UBE2E2: variants seen among roughly 807,000 people sequenced by gnomAD.
The protein encoded by UBE2E2 is ubiquitin-conjugating enzyme E2 E2.
In UBE2E2, 6 loss-of-function variants were observed where a neutral mutation model predicts 24.7. That is an observed-to-expected ratio of 0.24 (90% confidence interval 0.13 to 0.48). UBE2E2 has a LOEUF of 0.48. UBE2E2 is among the 20% of genes least tolerant of loss of function. UBE2E2 has a pLI of 0.99. For missense variants in UBE2E2, 169 were observed against 245.0 expected, an observed-to-expected ratio of 0.69 and a Z score of 2.07; for synonymous variants, 104 against 83.6, an observed-to-expected ratio of 1.24 and a Z score of -1.33.
At chr3:23,301,304 C>G (rs977982468) in intron 3 of UBE2E2, among the ~76,000 whole-genome samples, 1 of 152,214 alleles carries the variant, frequency 6.6e-6, no homozygotes. Context: ...ATTCTCCGTC[C>G]AGCTTTGTTC....
At chr3:23,249,838 A>G (rs921546304) in intron 3 of UBE2E2, among the ~76,000 whole-genome samples, 9 of 152,042 alleles carry the variant, frequency 5.9e-5, no homozygotes, top group Admixed American at 1.3e-4. Flanking sequence ...TTGTATTTTT[A>G]GTAGAGATGG....
chr3:23,292,536 CCCACTCACTTGTCT>C (rs1251222080), intron 3 of UBE2E2, among the ~76,000 whole-genome samples: 5 of 152,096 alleles, frequency 3.3e-5, no homozygotes, highest in African/African-American at 1.2e-4. Context: ...CTCTCAGAGC[CCCACTCACTTGTCT>C]CCTAGGTGCC....
At chr3:23,261,475 A>T (rs985915298) in intron 3 of UBE2E2, among the ~76,000 whole-genome samples, 3 of 152,136 alleles carry the variant, frequency 2.0e-5, no homozygotes, top group African/African-American at 7.2e-5. Context: ...TGTGTGTGTG[A>T]GAGAGAACAT....
chr3:23,231,059 A>G (rs1349103177), intron 3 of UBE2E2, among the ~76,000 whole-genome samples: 1 of 152,206 alleles, frequency 6.6e-6, no homozygotes, highest in Non-Finnish European at 1.5e-5. Flanking sequence ...AGAGGAACTG[A>G]AAATGAATTT....
rs777271599 is a variant in UBE2E2 at position 23,577,788 on chromosome 3, A to C, written c.509-11946A>C. On this transcript the variant is annotated intron_variant, in intron 5 of 5. Coordinates refer to ENST00000396703, the MANE Select transcript of UBE2E2 (RefSeq NM_152653.4). ...TCAATGCCTGGCTACACAGCTTTAA[A>C]GGACAGGCTGACTCTCTTAGTAGGG... 1.1e-4 allele frequency among the ~76,000 whole-genome samples: 17 copies of C among 152,324 alleles called. No homozygotes were observed. In the Middle Eastern group the frequency reaches 0.01, roughly 91 times the overall value.
intron 3 of UBE2E2, among the ~76,000 whole-genome samples, chr3:23,360,037 C>G (rs17013125): frequency 0.029 from 4,435 of 152,174 alleles, 113 homozygotes; most frequent in East Asian, 0.13. Context: ...ACCTGCTGGT[C>G]TAATTAGTTT....
Position 23,439,557 on chromosome 3 carries a change from T to C in UBE2E2, c.228-60051T>C, listed in dbSNP as rs551512019. Among the ~76,000 whole-genome samples the C allele has an allele frequency of 8.2e-4, 125 of 152,228 alleles. 5 individuals are homozygous for C. The South Asian group carries it at 0.024, about 30-fold the overall frequency. On this transcript the variant is annotated intron_variant, in intron 3 of 5. Coordinates refer to ENST00000396703, the MANE Select transcript of UBE2E2 (RefSeq NM_152653.4). ...CAAAGTCTCTAGGACCCCAAAGAGA[T>C]TATGAGAGAGAACGTTGAGAGGTCT...
intron 3 of UBE2E2, among the ~76,000 whole-genome samples, chr3:23,457,503 A>C: frequency 6.6e-6 from 1 of 152,148 alleles, no homozygotes; most frequent in East Asian, 1.9e-4. Flanking sequence ...CTTCTCCATC[A>C]GCTGCTGCTG....
chr3:23,552,977 G>C (rs1481915350), intron 5 of UBE2E2, among the ~76,000 whole-genome samples: 2 of 152,094 alleles, frequency 1.3e-5, no homozygotes, highest in African/African-American at 4.8e-5. Context: ...TAAGAAAAAA[G>C]TATTTTACTT....
chr3:23,332,454 G>A (rs1022005065), intron 3 of UBE2E2, among the ~76,000 whole-genome samples: 4 of 152,236 alleles, frequency 2.6e-5, no homozygotes, highest in African/African-American at 9.6e-5. Flanking sequence ...AAAAACAAAT[G>A]CATACATGGC....
At chr3:23,404,742 C>G (rs1474440639) in intron 3 of UBE2E2, among the ~76,000 whole-genome samples, 3 of 152,186 alleles carry the variant, frequency 2.0e-5, no homozygotes, top group Non-Finnish European at 4.4e-5. Flanking sequence ...AAAATAATCG[C>G]TAACTGTAGC....
Position 23,208,792 on chromosome 3 carries a change from A to C in UBE2E2, c.93A>C (p.Pro31=). The C allele has an allele frequency of 1.9e-6, 3 of 1,613,842 alleles. No homozygotes were observed. The highest frequency in any genetic ancestry group is 2.5e-6 in the Non-Finnish European group (3 of 1,179,800). Residue 31 remains proline (P), a synonymous_variant, in exon 2 of 6, where the codon CCA becomes CCC. Transcript: ENST00000396703. ...AACGTGAAAGTGTTCAGCAAGAACCAGAAAGAGAACAAGTTCAGCCCAAGA... is the reference window on the plus strand; with the variant it reads ...AACGTGAAAGTGTTCAGCAAGAACCCGAAAGAGAACAAGTTCAGCCCAAGA... ...GDQRESVQQE[P]EREQVQPKKK...
chr3:23,354,963 A>G (rs952695461), intron 3 of UBE2E2, among the ~76,000 whole-genome samples: 40 of 152,166 alleles, frequency 2.6e-4, no homozygotes, highest in African/African-American at 9.6e-4. Context: ...ACAATAGCAA[A>G]GACTTGGAAC....
At chr3:23,404,165 T>G (rs1489758518) in intron 3 of UBE2E2, among the ~76,000 whole-genome samples, 1 of 152,140 alleles carries the variant, frequency 6.6e-6, no homozygotes, top group African/African-American at 2.4e-5. Context: ...TATGTACACA[T>G]TCATAGTAAT....
chr3:23,488,872 A>G (rs1309347158), intron 3 of UBE2E2, among the ~76,000 whole-genome samples: 4 of 152,216 alleles, frequency 2.6e-5, no homozygotes, highest in Non-Finnish European at 1.5e-5. Context: ...TACAGATAAG[A>G]GAGGCTATTT....
intron 3 of UBE2E2, among the ~76,000 whole-genome samples, chr3:23,401,848 C>CTTT (rs35903137): frequency 8.7e-3 from 586 of 67,688 alleles, no homozygotes; most frequent in Middle Eastern, 0.012. Flanking sequence ...TGCCTGGCTA[C>CTTT]TTTTTTTTTT....
intron 3 of UBE2E2, among the ~76,000 whole-genome samples, chr3:23,371,805 A>G (rs933601947): frequency 2.6e-5 from 4 of 152,116 alleles, no homozygotes; most frequent in African/African-American, 9.7e-5. Context: ...TGCTGATTAC[A>G]TGGGTGTATT....
rs1397514525 is a variant in UBE2E2, at chr3:23,583,224, A to C, written c.509-6510A>C. 6.6e-6 allele frequency among the ~76,000 whole-genome samples: 1 copy of C among 152,146 alleles called. No homozygotes were observed. Among genetic ancestry groups the C allele is most frequent in the Non-Finnish European group, 1.5e-5 (1 of 68,026 alleles). On this transcript the variant is annotated intron_variant, in intron 5 of 5. Transcript: ENST00000396703. This position sits in a 1 kb window ranked among gnomAD's most constrained non-coding sequence, Gnocchi z 4.1. The stretch of plus-strand genomic sequence containing the variant: ...TGCTTATTTTTGTCAGCTTTGTCAA[A>C]GATCAGATGGTCGTAAATATGTGGC...
chr3:23,514,883 A>C (rs1284021004), intron 4 of UBE2E2, among the ~76,000 whole-genome samples: 1 of 152,200 alleles, frequency 6.6e-6, no homozygotes, highest in Non-Finnish European at 1.5e-5. Context: ...TAAGCAATAG[A>C]TAAGGAGTAG....
Sources: allele counts gnomAD v4.1 joint callset (sites outside exome capture counted in the v4.1 genomes callset), GRCh38; gene constraint gnomAD v4.1.1; non-coding constraint Gnocchi (gnomAD v3.1); transcripts MANE v1.5; gene names NCBI Gene and HGNC (gene_info 2026-07-23, HGNC 2026-07-21).